The following DCLK1 variants were observed in gnomAD, a reference collection of about 807,000 sequenced individuals.
DCLK1 encodes the protein serine/threonine-protein kinase DCLK1.
In DCLK1, 16 loss-of-function variants were observed where a neutral mutation model predicts 86.2. That is an observed-to-expected ratio of 0.19 (90% confidence interval 0.13 to 0.28). The LOEUF is 0.28. Among genes scored for constraint, DCLK1 ranks in the 10% least tolerant of loss-of-function variants. The probability of loss-of-function intolerance (pLI) is 1.00; values close to 1 mark genes in which losing one functional copy is unlikely to be tolerated. For synonymous variants in DCLK1, 369 were observed against 370.5 expected, an observed-to-expected ratio of 1.00 and a Z score of 0.05; for missense variants, 590 against 940.2, an observed-to-expected ratio of 0.63 and a Z score of 4.87.
At chr13:35,864,981 C>A (rs1202088504) in intron 5 of DCLK1, among the ~76,000 whole-genome samples, 1 of 152,044 alleles carries the variant, frequency 6.6e-6, no homozygotes, top group Non-Finnish European at 1.5e-5. Context: ...AAGAAAAGAT[C>A]AAAATTTTGA....
chr13:35,830,427 G>C (rs1012921689), intron 8 of DCLK1, among the ~76,000 whole-genome samples: 2 of 151,974 alleles, frequency 1.3e-5, no homozygotes, highest in Admixed American at 6.6e-5. Flanking sequence ...AAAGTGAAAT[G>C]ATTCACGTGT....
intron 3 of DCLK1, among the ~76,000 whole-genome samples, chr13:36,053,636 T>TAC (rs1312783547): frequency 6.6e-6 from 1 of 151,300 alleles, no homozygotes; most frequent in Non-Finnish European, 1.5e-5. Context: ...GATATATATA[T>TAC]ATATAAATTA....
intron 5 of DCLK1, among the ~76,000 whole-genome samples, chr13:35,864,722 G>A (rs986661703): frequency 6.9e-6 from 1 of 145,684 alleles, no homozygotes; most frequent in Non-Finnish European, 1.5e-5. Context: ...GTGTGATCAT[G>A]GCTGACTTTA....
intron 4 of DCLK1, among the ~76,000 whole-genome samples, chr13:35,941,884 C>T (rs9545850): frequency 0.088 from 13,387 of 152,166 alleles, 811 homozygotes; most frequent in Non-Finnish European, 0.13. Flanking sequence ...ACCCATATCA[C>T]ATAACATCTC....
At position 35,843,234 on chromosome 13, in the gene DCLK1, C is replaced by T. The variant is rs563073118; in HGVS notation, c.1036-4058G>A. Among the ~76,000 whole-genome samples, 14 of 152,228 alleles carry T rather than the reference C, an allele frequency of 9.2e-5. No homozygotes were observed. In the South Asian group the frequency reaches 1.0e-3, roughly 11 times the overall value. On this transcript the variant is annotated intron_variant, in intron 6 of 16. Transcript: ENST00000360631. ...AGGCATCTGGGTGTACAGTACAAAA[C>T]GTACAGTTATTTTAGAATTTAGGGC...
At chr13:35,860,824 C>T (rs140564360) in intron 5 of DCLK1, among the ~76,000 whole-genome samples, 12 of 152,198 alleles carry the variant, frequency 7.9e-5, no homozygotes, top group African/African-American at 2.2e-4. Context: ...CCCTGGACAG[C>T]GAGGTGATCC....
chr13:36,008,201 T>A (rs190513180), intron 3 of DCLK1, among the ~76,000 whole-genome samples: 5,201 of 16,574 alleles, frequency 0.31, 153 homozygotes, highest in Middle Eastern at 0.38. Flanking sequence ...CAGAGCTATT[T>A]TATTATTATT....
chr13:35,969,338 A>G (rs1049436866), intron 3 of DCLK1, among the ~76,000 whole-genome samples: 1 of 152,102 alleles, frequency 6.6e-6, no homozygotes, highest in Non-Finnish European at 1.5e-5. Flanking sequence ...CCAGTGACAA[A>G]TGTCCTTATA....
At chr13:36,032,395 T>G (rs1487683759) in intron 3 of DCLK1, among the ~76,000 whole-genome samples, 2 of 152,180 alleles carry the variant, frequency 1.3e-5, no homozygotes, top group Non-Finnish European at 2.9e-5. Context: ...TCACCCACCT[T>G]GGCCTCCCAA....
intron 3 of DCLK1, among the ~76,000 whole-genome samples, chr13:36,028,502 T>C (rs927065676): frequency 1.3e-5 from 2 of 152,192 alleles, no homozygotes; most frequent in Non-Finnish European, 2.9e-5. Context: ...ACTTCCTCGT[T>C]TCCTTTGCCT....
chr13:35,803,840 A>G (rs10507430), intron 15 of DCLK1, among the ~76,000 whole-genome samples: 4,778 of 152,282 alleles, frequency 0.031, 238 homozygotes, highest in African/African-American at 0.11. Flanking sequence ...GGTAAAATTT[A>G]TATCAATGAG....
At chr13:35,801,113 T>C (rs9574635) in intron 15 of DCLK1, among the ~76,000 whole-genome samples, 2 of 152,032 alleles carry the variant, frequency 1.3e-5, no homozygotes, top group Non-Finnish European at 2.9e-5. Flanking sequence ...GCAGAGAAAG[T>C]GCTTTTTGAC....
intron 4 of DCLK1, among the ~76,000 whole-genome samples, chr13:35,921,918 C>G (rs1875826303): frequency 6.6e-6 from 1 of 152,054 alleles, no homozygotes; most frequent in Non-Finnish European, 1.5e-5. Context: ...GATGTCTGGA[C>G]TAGAAACTGA....
intron 3 of DCLK1, among the ~76,000 whole-genome samples, chr13:36,050,463 G>A (rs1342166072): frequency 6.6e-6 from 1 of 152,078 alleles, no homozygotes; most frequent in Non-Finnish European, 1.5e-5. Flanking sequence ...ATTCAACAGA[G>A]AGGGTCAGGG....
At chr13:36,062,322 T>C (rs1306991693) in intron 3 of DCLK1, among the ~76,000 whole-genome samples, 1 of 152,138 alleles carries the variant, frequency 6.6e-6, no homozygotes, top group African/African-American at 2.4e-5. Context: ...GAAGGCCATA[T>C]GGATGTTGCC....
intron 16 of DCLK1, chr13:35,788,180 A>G: frequency 6.2e-7 from 1 of 1,609,624 alleles, no homozygotes; most frequent in Non-Finnish European, 8.5e-7. Flanking sequence ...TTGCCATGGA[A>G]ACACTGACTG....
chr13:35,883,016 C>T (rs1235580173), intron 4 of DCLK1, among the ~76,000 whole-genome samples: 3 of 152,138 alleles, frequency 2.0e-5, no homozygotes, highest in South Asian at 2.1e-4. Flanking sequence ...GTGTTGATGA[C>T]GTTGAAGCTG....
At chr13:35,948,455 G>T (rs1452610955) in intron 3 of DCLK1, among the ~76,000 whole-genome samples, 1 of 152,184 alleles carries the variant, frequency 6.6e-6, no homozygotes, top group East Asian at 1.9e-4. Flanking sequence ...CCCTGTGTTT[G>T]TAATGCGCTC....
At chr13:35,819,825 G>T (rs975202700) in intron 11 of DCLK1, among the ~76,000 whole-genome samples, 1 of 151,690 alleles carries the variant, frequency 6.6e-6, no homozygotes, top group Non-Finnish European at 1.5e-5. Context: ...ATATATTATC[G>T]TTAGGCAGTT....
Sources: gnomAD v4.1 joint callset for allele counts (sites outside exome capture counted in the v4.1 genomes callset) on GRCh38, gnomAD v4.1.1 for gene constraint, MANE v1.5 for transcripts, NCBI Gene and HGNC (gene_info 2026-07-23, HGNC 2026-07-21) for gene names.